KIAA1217: variants seen among roughly 807,000 people sequenced by gnomAD.
The protein encoded by KIAA1217 is KIAA1217.
A neutral mutation model predicts 163.9 loss-of-function variants in KIAA1217; 88 were observed. The ratio of observed to expected loss-of-function variants is 0.54; its 90% confidence interval spans 0.45 to 0.64. KIAA1217 has a LOEUF of 0.64. Ranked by LOEUF, KIAA1217 falls within the 30% of genes least tolerant of loss-of-function variation. The pLI, the probability that KIAA1217 is intolerant of heterozygous loss-of-function variation, is 0.00. For missense variants in KIAA1217, 2,372 were observed against 2,475.0 expected, an observed-to-expected ratio of 0.96 and a Z score of 0.88; for synonymous variants, 903 against 923.1, an observed-to-expected ratio of 0.98 and a Z score of 0.39.
intron 1 of KIAA1217, among the ~76,000 whole-genome samples, chr10:24,000,404 G>T (rs190048239): frequency 6.6e-6 from 1 of 152,238 alleles, no homozygotes; most frequent in Non-Finnish European, 1.5e-5. Flanking sequence ...TCTCCTTGCT[G>T]CCACCATGTG....
chr10:24,010,918 G>A (rs1405051704), intron 2 of KIAA1217, among the ~76,000 whole-genome samples: 1 of 152,060 alleles, frequency 6.6e-6, no homozygotes, highest in African/African-American at 2.4e-5. Context: ...TTAGGATGCA[G>A]AAATAATAAA....
chr10:23,934,764 C>G (rs1380080991), intron 1 of KIAA1217, among the ~76,000 whole-genome samples: 1 of 149,950 alleles, frequency 6.7e-6, no homozygotes, highest in African/African-American at 2.5e-5. Flanking sequence ...ACTACAGGCA[C>G]CCGCCACCAC....
chr10:23,978,418 G>T (rs1845629297), intron 1 of KIAA1217, among the ~76,000 whole-genome samples: 1 of 152,142 alleles, frequency 6.6e-6, no homozygotes. Flanking sequence ...AAATGTGTGG[G>T]TGTCTTTTCT....
chr10:24,272,051 G>T (rs960794941), intron 2 of KIAA1217, among the ~76,000 whole-genome samples: 1 of 152,182 alleles, frequency 6.6e-6, no homozygotes, highest in African/African-American at 2.4e-5. Context: ...GGGTGGACTC[G>T]GGAGACAACC....
At chr10:24,015,163 CTTTCCTGATTCCTCCAAATCA>C (rs1473545626) in intron 2 of KIAA1217, among the ~76,000 whole-genome samples, 1 of 152,062 alleles carries the variant, frequency 6.6e-6, no homozygotes, top group African/African-American at 2.4e-5. Context: ...AACAATAATG[CTTTCCTGATTCCTCCAAATCA>C]TTTCCTATAA....
Position 23,871,733 on chromosome 10 carries a change from C to T in KIAA1217, c.-320-135492C>T, listed in dbSNP as rs115789310. ...TTGATTCCCACTCCTTCAGTACTGA[C>T]GTCTTTTCAAGACTCTAACTGTAAC... On this transcript the variant is annotated intron_variant, in intron 1 of 18. Coordinates refer to the KIAA1217 transcript ENST00000376462. Among the ~76,000 whole-genome samples the T allele has an allele frequency of 4.3e-3, 648 of 152,192 alleles. 5 individuals are homozygous for T. The highest frequency in any genetic ancestry group is 0.014 in the African/African-American group (593 of 41,566).
intron 8 of KIAA1217, 57 bp from the exon 9 acceptor site, chr10:24,501,322 C>T: frequency 6.6e-7 from 1 of 1,523,394 alleles, no homozygotes; most frequent in South Asian, 1.2e-5. Flanking sequence ...GGATGGGATG[C>T]ATAGCTTAGA....
chr10:24,204,039 G>A (rs1410723675), upstream of KIAA1217, among the ~76,000 whole-genome samples: 1 of 152,196 alleles, frequency 6.6e-6, no homozygotes, highest in Non-Finnish European at 1.5e-5. Context: ...CAACATCAAT[G>A]GGTTCTCTTA....
chr10:24,248,540 G>A (rs1049962876), intron 2 of KIAA1217, among the ~76,000 whole-genome samples: 2 of 151,474 alleles, frequency 1.3e-5, no homozygotes, highest in African/African-American at 4.9e-5. Context: ...GCATGGTGGC[G>A]GGTGCCTGTA....
intron 2 of KIAA1217, among the ~76,000 whole-genome samples, chr10:24,237,607 G>A (rs1188253246): frequency 6.6e-6 from 1 of 152,136 alleles, no homozygotes; most frequent in Admixed American, 6.6e-5. Flanking sequence ...CTCTCTAATG[G>A]AACTTTGAAG....
intron 1 of KIAA1217, among the ~76,000 whole-genome samples, chr10:23,922,468 T>C (rs1167707007): frequency 1.3e-5 from 2 of 152,210 alleles, no homozygotes; most frequent in Non-Finnish European, 2.9e-5. Flanking sequence ...CAGACCTAAG[T>C]CTGGGTGACA....
intron 1 of KIAA1217, among the ~76,000 whole-genome samples, chr10:23,792,741 A>G (rs1027835437): frequency 7.9e-5 from 12 of 150,948 alleles, no homozygotes; most frequent in African/African-American, 2.4e-4. Flanking sequence ...TGACCTTGTG[A>G]TCCACCTGTC....
rs142714774 is a variant in KIAA1217 at position 24,521,537 on chromosome 10, C to A, written c.2309-245C>A. ...CAAATTAAAAAGTAATAATAATAACCCTAATGGTCAATTGGCTTTATCCCA... is the reference window on the plus strand; with the variant it reads ...CAAATTAAAAAGTAATAATAATAACACTAATGGTCAATTGGCTTTATCCCA... On this transcript the variant is annotated intron_variant, in intron 11 of 20. Coordinates refer to ENST00000376454, the MANE Select transcript of KIAA1217 (RefSeq NM_019590.5). Among the ~76,000 whole-genome samples, 23 of 152,106 alleles carry A rather than the reference C, an allele frequency of 1.5e-4. No individual in the cohort carries two copies. In the East Asian group the frequency reaches 4.5e-3, roughly 29 times the overall value.
At chr10:24,365,466 A>G (rs2050652582) in intron 2 of KIAA1217, among the ~76,000 whole-genome samples, 1 of 149,282 alleles carries the variant, frequency 6.7e-6, no homozygotes. Context: ...TTACACTTTT[A>G]TTTACCATGC....
At chr10:23,802,974 C>T (rs1172512481) in intron 1 of KIAA1217, among the ~76,000 whole-genome samples, 1 of 152,152 alleles carries the variant, frequency 6.6e-6, no homozygotes, top group Non-Finnish European at 1.5e-5. Flanking sequence ...TTATTCTGCA[C>T]ACCCCATGAG....
At chr10:24,284,143 C>T (rs1342483395) in intron 2 of KIAA1217, among the ~76,000 whole-genome samples, 1 of 152,072 alleles carries the variant, frequency 6.6e-6, no homozygotes, top group African/African-American at 2.4e-5. Context: ...CTCCTGACTT[C>T]GAGATCCACC....
intron 1 of KIAA1217, among the ~76,000 whole-genome samples, chr10:23,783,818 A>G (rs535039612): frequency 3.2e-4 from 48 of 151,860 alleles, no homozygotes; most frequent in East Asian, 5.8e-4. Flanking sequence ...GAATTTATCT[A>G]TTTCCTCTAA....
Position 24,402,523 on chromosome 10 carries a change from C to CAAAAAAAAAAAAAAAAAAAA in KIAA1217, c.553+21460_553+21461insAAAAAAAAAAAAAAAAAAAA, listed in dbSNP as rs1173653514. Among the ~76,000 whole-genome samples the CAAAAAAAAAAAAAAAAAAAA allele has an allele frequency of 4.2e-5, 3 of 71,014 alleles. 1 individual carries two copies. Among genetic ancestry groups the CAAAAAAAAAAAAAAAAAAAA allele is most frequent in the African/African-American group, 1.4e-4 (3 of 21,452 alleles). 46.6% of individuals were successfully genotyped at this position (71,014 alleles called of 152,430 possible). A position where few individuals can be genotyped will look rare whatever the true frequency, so the allele number is the denominator to read the frequency against. ...GACTCCCTCTCAAAAAAACAAAAAA[C>CAAAAAAAAAAAAAAAAAAAA]AAAACAAAAAAAAAAAAAAGGCAAA... On this transcript the variant is annotated intron_variant, in intron 3 of 20. Coordinates refer to ENST00000376454, the MANE Select transcript of KIAA1217 (RefSeq NM_019590.5).
chr10:24,111,661 T>C (rs2062850439), intron 2 of KIAA1217, among the ~76,000 whole-genome samples: 1 of 152,226 alleles, frequency 6.6e-6, no homozygotes, highest in South Asian at 2.1e-4. Flanking sequence ...TGTCCGTTGC[T>C]GATGGTTCTG....
Sources: allele counts gnomAD v4.1 joint callset (sites outside exome capture counted in the v4.1 genomes callset), GRCh38; gene constraint gnomAD v4.1.1; transcripts MANE v1.5; gene names NCBI Gene and HGNC (gene_info 2026-07-23, HGNC 2026-07-21).